Variants in RNF213 observed in about 807,000 individuals in gnomAD.
RNF213 encodes E3 ubiquitin-protein ligase RNF213.
In RNF213, 341 loss-of-function variants were observed where a neutral mutation model predicts 514.4. The ratio of observed to expected loss-of-function variants is 0.66; its 90% CI spans 0.61 to 0.73. The LOEUF (loss-of-function observed/expected upper bound fraction) is 0.73. RNF213 is among the 30% of genes least tolerant of loss of function. The probability of loss-of-function intolerance (pLI) is 0.00; values close to 1 mark genes in which losing one functional copy is unlikely to be tolerated. For synonymous variants in RNF213, 2,655 were observed against 2,658.2 expected (o/e 1.00, Z 0.04); for missense variants, 5,767 against 6,615.6 (o/e 0.87, Z 4.45).
chr17:80,381,543 A>C lies in RNF213; in HGVS notation c.13798-4A>C. The C allele has an allele frequency of 6.2e-7, 1 of 1,614,070 alleles. No homozygotes were observed. Among genetic ancestry groups the C allele is most frequent in the Non-Finnish European group, 8.5e-7 (1 of 1,179,982 alleles). On this transcript the variant is annotated splice_polypyrimidine_tract_variant and splice_region_variant and intron_variant, in intron 56 of 67. Transcript: ENST00000582970. ...CTGAACACTCTGTTCCGTTGCCCCC[A>C]CAGGCTCTGATAAACATCATTAAGC...
rs532401951 is a variant in RNF213 at position 80,285,465 on chromosome 17, C to T, written c.262-2350C>T. 1.9e-3 allele frequency among the ~76,000 whole-genome samples: 297 copies of T among 152,358 alleles called. 1 individual carries two copies. The highest frequency in any genetic ancestry group is 6.8e-3 in the African/African-American group (283 of 41,596). On this transcript the variant is annotated intron_variant, in intron 3 of 67. Coordinates refer to ENST00000582970, the MANE Select transcript of RNF213 (RefSeq NM_001256071.3). ...AGGGCTGGGACCCCACCTGCCAGGT[C>T]TCCTCAGCACACTGAGGACGATGGG...
In RNF213 at chr17:80,369,588, A is replaced by G; in HGVS notation, c.12242A>G (p.Asn4081Ser). The G allele has an allele frequency of 6.2e-7, 1 of 1,614,214 alleles. No homozygotes were observed. The highest frequency in any genetic ancestry group is 1.1e-5 in the South Asian group (1 of 91,084). ...GTGTCCACCATTTGCTTCAAGGACAACGCTCCGCCTGAGAAGGAAGTGATT... is the reference window on the plus strand; with the variant it reads ...GTGTCCACCATTTGCTTCAAGGACAGCGCTCCGCCTGAGAAGGAAGTGATT... ...DLVSTICFKD[N>S]APPEKEVIES... The change falls in exon 45 of 68, where the codon AAC becomes AGC. Residue 4081 changes from asparagine to serine, a missense_variant. Asn to Ser is a conservative substitution (Grantham distance 46, BLOSUM62 1). Transcript: ENST00000582970.
At chr17:80,374,682 G>GGCCGC in intron 50 of RNF213, 93 bp downstream of exon 50, 2 of 1,461,128 alleles carry the variant, frequency 1.4e-6, no homozygotes, top group Admixed American at 1.9e-5. Context: ...CAGGGTGATG[G>GGCCGC]ACCACTGATG....
chr17:80,276,385 C>T (rs1029750996), intron 3 of RNF213, among the ~76,000 whole-genome samples: 8 of 151,306 alleles, frequency 5.3e-5, no homozygotes, highest in Admixed American at 5.3e-4. Context: ...CGGGCGTGAG[C>T]CACCACGCCT....
At chr17:80,300,847 C>T (rs1180841893) in intron 11 of RNF213, among the ~76,000 whole-genome samples, 7 of 151,766 alleles carry the variant, frequency 4.6e-5, no homozygotes, top group Non-Finnish European at 8.8e-5. Flanking sequence ...CCACCATGCC[C>T]GGCCTCATTG....
intron 60 of RNF213, 82 bp downstream of exon 60, chr17:80,385,253 G>A: frequency 6.4e-7 from 1 of 1,560,986 alleles, no homozygotes; most frequent in Non-Finnish European, 8.8e-7. Flanking sequence ...ACAGGGTGGG[G>A]CGGAGGGGAG....
At chr17:80,381,807 C>A in intron 57 of RNF213, 80 bp downstream of exon 57, 1 of 1,297,316 alleles carries the variant, frequency 7.7e-7, no homozygotes, top group Non-Finnish European at 1.1e-6. Context: ...TGTGGGCCAC[C>A]CCACACACAG....
At chr17:80,276,859 T>C (rs1193189755) in intron 3 of RNF213, among the ~76,000 whole-genome samples, 1 of 151,814 alleles carries the variant, frequency 6.6e-6, no homozygotes, top group East Asian at 2.0e-4. Flanking sequence ...GTGAACATCC[T>C]GGCCAACATG....
chr17:80,392,065 G>A, intron 67 of RNF213, among the ~76,000 whole-genome samples: 1 of 151,988 alleles, frequency 6.6e-6, no homozygotes, highest in East Asian at 1.9e-4. Flanking sequence ...ACTGCGCCCG[G>A]CCTGTCCTCT....
At chr17:80,393,007 T>A (rs192938221) in intron 67 of RNF213, among the ~76,000 whole-genome samples, 152 of 151,486 alleles carry the variant, frequency 1.0e-3, no homozygotes, top group South Asian at 3.6e-3. Flanking sequence ...TGAGACAGGA[T>A]CTCACTGTGG....
At chr17:80,334,396 C>T (rs974329593) in intron 22 of RNF213, 126 bp downstream of exon 22, 19 of 1,020,202 alleles carry the variant, frequency 1.9e-5, no homozygotes, top group Non-Finnish European at 2.6e-5. Context: ...GGCAGAAAGA[C>T]GTTGCCTGCA....
chr17:80,380,543 G>A (rs1371740011), intron 55 of RNF213, among the ~76,000 whole-genome samples: 1 of 152,166 alleles, frequency 6.6e-6, no homozygotes, highest in East Asian at 1.9e-4. Flanking sequence ...AGACTTCAGT[G>A]GAAAAGACGG....
chr17:80,304,086 C>T (rs1204194095), intron 11 of RNF213, among the ~76,000 whole-genome samples: 1 of 151,612 alleles, frequency 6.6e-6, no homozygotes, highest in Non-Finnish European at 1.5e-5. Context: ...TTTTTATGTA[C>T]TTATCTTTAA....
chr17:80,344,857 C>T lies in RNF213; in HGVS notation c.6522C>T (p.Phe2174=), dbSNP rs2078258657. ...GACCTTACCAGTATTTAAGACGATT[C>T]AATCAAAACCAAGACCTAGACACGT... is the stretch of plus-strand genomic sequence containing the variant. ...FQRPYQYLRR[F]NQNQDLDTFQ... is the part of the protein sequence containing the mutation. Residue 2174 remains phenylalanine, a synonymous_variant, in exon 29 of 68, where the codon TTC becomes TTT. Transcript: ENST00000582970. 1 of 1,614,022 alleles carries T rather than the reference C, an allele frequency of 6.2e-7. No homozygotes were observed.
chr17:80,354,114 G>A lies in RNF213; in HGVS notation c.10674G>A (p.Met3558Ile). ...RDQNESCTRN[M>I]RRVVLLLGLL... ...AGAACGAGAGCTGCACGCGCAATAT[G>A]CGGAGGGTGGTGCTCCTCCTGGGCC... Residue 3558 changes from methionine to isoleucine, a missense_variant, in exon 35 of 68, where the codon ATG (methionine) becomes ATA (isoleucine). Transcript: ENST00000582970. 1 of 1,614,116 alleles carries A rather than the reference G, an allele frequency of 6.2e-7. No individual in the cohort carries two copies. The highest frequency in any genetic ancestry group is 8.5e-7 in the Non-Finnish European group (1 of 1,180,036).
chr17:80,289,304 G>A (rs1216686703), intron 5 of RNF213, among the ~76,000 whole-genome samples: 1 of 152,158 alleles, frequency 6.6e-6, no homozygotes, highest in Non-Finnish European at 1.5e-5. Context: ...CAATGTGGAG[G>A]CTGGGCCAGG....
chr17:80,381,751 G>T, intron 57 of RNF213, 24 bp downstream of exon 57: 1 of 1,605,928 alleles, frequency 6.2e-7, no homozygotes, highest in Non-Finnish European at 8.5e-7. Flanking sequence ...CAAGGGCTGG[G>T]CGGGGATCAC....
At position 80,396,324 on chromosome 17, in the gene RNF213, T is replaced by C. The variant is rs1005526669; in HGVS notation, c.*2826T>C. On this transcript the variant is annotated 3_prime_UTR_variant, in exon 68 of 68. Coordinates refer to ENST00000582970, the MANE Select transcript of RNF213 (RefSeq NM_001256071.3). ...ATTATTTGCCTTTCATGAATAGTTA[T>C]GAGACTTTGTGCATGTGTTAACCGA... is the stretch of plus-strand genomic sequence containing the variant. 1 of 152,198 alleles carries C rather than the reference T, an allele frequency of 6.6e-6. No individual in the cohort carries two copies. Among genetic ancestry groups the C allele is most frequent in the African/African-American group, 2.4e-5 (1 of 41,430 alleles). 9.4% of individuals were successfully genotyped at this position (152,198 alleles called of 1,614,324 possible).
In RNF213 at chr17:80,337,685, A is replaced by G. The variant is rs1274245808; in HGVS notation, c.4627A>G (p.Arg1543Gly). 2.6e-6 allele frequency: 4 copies of G among 1,537,298 alleles called. No homozygotes were observed. The highest frequency in any genetic ancestry group is 3.5e-6 in the Non-Finnish European group (4 of 1,146,922). Reference sequence around the variant, plus strand: ...GACCCTGGCCACGGCCATCAACCAAAGAGGCATCTATGTGATCCAGGCGCC... The same window carrying G: ...GACCCTGGCCACGGCCATCAACCAAGGAGGCATCTATGTGATCCAGGCGCC... ...SLTLATAINQ[R>G]GIYVIQAPKG... The change falls in exon 24 of 68, where the codon AGA becomes GGA. Residue 1543 changes from arginine (R) to glycine (G), a missense_variant. This residue lies in a region of RNF213 where 1,377 missense variants were observed against 1,635.2 expected (regional missense o/e 0.84). Coordinates refer to ENST00000582970, the MANE Select transcript of RNF213 (RefSeq NM_001256071.3).
Sources: gnomAD v4.1 joint callset for allele counts (sites outside exome capture counted in the v4.1 genomes callset) on GRCh38, gnomAD v4.1.1 for gene constraint, gnomAD v4.1.1 regional missense constraint, MANE v1.5 for transcripts, NCBI Gene and HGNC (gene_info 2026-07-23, HGNC 2026-07-21) for gene names.